Variants in SNTB1 observed in about 807,000 individuals in gnomAD.
The protein encoded by SNTB1 is syntrophin beta 1.
Under a neutral mutation model 48.9 loss-of-function variants are expected in SNTB1, and 36 were observed. That is an observed-to-expected ratio of 0.74 (90% confidence interval 0.56 to 0.97). The LOEUF is 0.97. SNTB1 is among the 50% of genes least tolerant of loss of function. The pLI, the probability that SNTB1 is intolerant of heterozygous loss-of-function variation, is 0.00. For missense variants in SNTB1, 786 were observed against 703.4 expected, an observed-to-expected ratio of 1.12 and a Z score of -1.33; for synonymous variants, 299 against 294.6, an observed-to-expected ratio of 1.01 and a Z score of -0.15.
intron 2 of SNTB1, among the ~76,000 whole-genome samples, chr8:120,662,360 G>A (rs576290721): frequency 2.6e-5 from 4 of 152,172 alleles, no homozygotes; most frequent in Non-Finnish European, 5.9e-5. Flanking sequence ...CAAGGTGCCA[G>A]ACAAGTTGGG....
At chr8:120,732,168 T>C (rs1818863831) in intron 1 of SNTB1, among the ~76,000 whole-genome samples, 2 of 152,216 alleles carry the variant, frequency 1.3e-5, no homozygotes, top group Non-Finnish European at 2.9e-5. Flanking sequence ...CTGATATGAC[T>C]TGCGGGTAAA....
chr8:120,784,144 C>T lies in SNTB1; in HGVS notation c.571+27129G>A, dbSNP rs187274674. On this transcript the variant is annotated intron_variant, in intron 1 of 6. Transcript: ENST00000517992. ...AAGTAGCTGGGATTACAGGCACCCA[C>T]GATCACACCCAGCTAATTTTTGTAT... Among the ~76,000 whole-genome samples the T allele has an allele frequency of 1.7e-4, 26 of 152,196 alleles. 1 individual carries two copies. The South Asian group carries it at 4.6e-3, about 27-fold the overall frequency.
chr8:120,706,137 T>C (rs183368224), intron 1 of SNTB1, among the ~76,000 whole-genome samples: 1 of 152,308 alleles, frequency 6.6e-6, no homozygotes, highest in Non-Finnish European at 1.5e-5. Context: ...CAAATTTAAA[T>C]ATTACTATTA....
intron 2 of SNTB1, among the ~76,000 whole-genome samples, chr8:120,682,816 T>C (rs1817955067): frequency 6.6e-6 from 1 of 151,844 alleles, no homozygotes; most frequent in African/African-American, 2.4e-5. Flanking sequence ...GGGCAGTCCA[T>C]AATTTCAAAT....
At chr8:120,651,782 G>A (rs1471455958) in intron 2 of SNTB1, among the ~76,000 whole-genome samples, 1 of 152,172 alleles carries the variant, frequency 6.6e-6, no homozygotes, top group Non-Finnish European at 1.5e-5. Flanking sequence ...TAAGTGGTGT[G>A]TGAAAATGTC....
chr8:120,652,561 C>G (rs534200154), intron 2 of SNTB1, among the ~76,000 whole-genome samples: 5 of 151,410 alleles, frequency 3.3e-5, no homozygotes, highest in Non-Finnish European at 7.4e-5. Context: ...AATTGGGCTA[C>G]TTTCAAAATA....
At chr8:120,732,775 G>A (rs534172124) in intron 1 of SNTB1, among the ~76,000 whole-genome samples, 1 of 152,328 alleles carries the variant, frequency 6.6e-6, no homozygotes, top group African/African-American at 2.4e-5. Flanking sequence ...GAACCCACGA[G>A]GTGGAGGTTG....
rs377308546 is a variant in SNTB1, at chr8:120,632,431, G to A, written c.996+13C>T. 5.0e-6 allele frequency: 8 copies of A among 1,611,608 alleles called. No individual in the cohort carries two copies. The highest frequency in any genetic ancestry group is 1.6e-4 in the Middle Eastern group (1 of 6,084). Reference sequence around the variant, plus strand: ...GGGAGGACGACTATTACAGAGGAAGGTATTTTCCTTACCTTTTCTGCAAGC... The same window carrying A: ...GGGAGGACGACTATTACAGAGGAAGATATTTTCCTTACCTTTTCTGCAAGC... On this transcript the variant is annotated intron_variant, in intron 3 of 6. Coordinates refer to ENST00000517992, the MANE Select transcript of SNTB1 (RefSeq NM_021021.4).
intron 3 of SNTB1, among the ~76,000 whole-genome samples, chr8:120,584,086 G>T (rs1362203779): frequency 6.6e-6 from 1 of 152,174 alleles, no homozygotes; most frequent in African/African-American, 2.4e-5. Context: ...GACCGAGGTA[G>T]GTGGATCACT....
At chr8:120,657,533 G>T (rs536701580) in intron 2 of SNTB1, among the ~76,000 whole-genome samples, 85 of 152,242 alleles carry the variant, frequency 5.6e-4, no homozygotes, top group African/African-American at 2.0e-3. Flanking sequence ...CACTCATGCT[G>T]CCTACTTAAC....
chr8:120,548,728 C>A, intron 5 of SNTB1, 34 bp downstream of exon 5: 1 of 1,602,278 alleles, frequency 6.2e-7, no homozygotes, highest in Non-Finnish European at 8.5e-7. Context: ...CTTCCCGTAA[C>A]AATGTGTCCT....
chr8:120,583,560 C>CAAAAAAAAAA (rs1554646118), intron 3 of SNTB1, among the ~76,000 whole-genome samples: 1 of 134,712 alleles, frequency 7.4e-6, no homozygotes, highest in African/African-American at 2.7e-5. Context: ...CACACACACA[C>CAAAAAAAAAA]AAAACTGGAA....
chr8:120,684,567 C>T (rs1817994912), intron 2 of SNTB1, among the ~76,000 whole-genome samples: 1 of 151,504 alleles, frequency 6.6e-6, no homozygotes, highest in African/African-American at 2.4e-5. Flanking sequence ...GTGGGACAGG[C>T]ACAGAATAGG....
At chr8:120,616,576 C>G (rs1463559081) in intron 3 of SNTB1, among the ~76,000 whole-genome samples, 1 of 151,898 alleles carries the variant, frequency 6.6e-6, no homozygotes, top group Non-Finnish European at 1.5e-5. Context: ...CTTGGCTTCC[C>G]AAAGTGCTGG....
At chr8:120,590,202 A>C (rs1816216744) in intron 3 of SNTB1, among the ~76,000 whole-genome samples, 1 of 152,216 alleles carries the variant, frequency 6.6e-6, no homozygotes, top group Non-Finnish European at 1.5e-5. Flanking sequence ...TTCCAAATAG[A>C]AAAGTAGCTG....
In SNTB1 at chr8:120,548,695, C is replaced by T. The variant is rs541673693; in HGVS notation, c.1333+67G>A. ...GCCAGTGATGAAAACTACTTTAAGG[C>T]CCCGGTGGAGTAGAGGGTTCATCTT... On this transcript the variant is annotated intron_variant, in intron 5 of 6. Coordinates refer to ENST00000517992, the MANE Select transcript of SNTB1 (RefSeq NM_021021.4). The T allele has an allele frequency of 8.4e-4, 1,218 of 1,444,154 alleles. 1 individual carries two copies. The highest frequency in any genetic ancestry group is 9.3e-4 in the Non-Finnish European group (961 of 1,033,966). 89.5% of individuals were successfully genotyped at this position (1,444,154 alleles called of 1,614,324 possible). A position where few individuals can be genotyped will look rare whatever the true frequency, so the allele number is the denominator to read the frequency against.
chr8:120,695,568 C>T (rs746719840), intron 1 of SNTB1, among the ~76,000 whole-genome samples: 4 of 151,934 alleles, frequency 2.6e-5, no homozygotes, highest in African/African-American at 7.3e-5. Flanking sequence ...ACACAAACTA[C>T]GGCACAAAGT....
intron 1 of SNTB1, chr8:120,775,200 C>T (rs1022274498): frequency 3.9e-5 from 6 of 152,242 alleles, no homozygotes; most frequent in Middle Eastern, 3.4e-3. Context: ...AAGGGAGATG[C>T]TTGCTTTGTA....
At chr8:120,597,218 T>G (rs987657823) in intron 3 of SNTB1, among the ~76,000 whole-genome samples, 1 of 152,210 alleles carries the variant, frequency 6.6e-6, no homozygotes, top group Admixed American at 6.5e-5. Flanking sequence ...ATGCAAGAAA[T>G]AGATTGTCCT....
Sources: gnomAD v4.1 joint callset for allele counts (sites outside exome capture counted in the v4.1 genomes callset) on GRCh38, gnomAD v4.1.1 for gene constraint, MANE v1.5 for transcripts, NCBI Gene and HGNC (gene_info 2026-07-23, HGNC 2026-07-21) for gene names.